Variants in CR1 observed in about 807,000 individuals in gnomAD.
CR1 encodes complement C3b/C4b receptor 1 (Knops blood group).
CR1 carries 116 observed loss-of-function variants against 187.3 expected under a neutral mutation model. That is an observed-to-expected ratio of 0.62 (90% CI 0.53 to 0.72). The LOEUF is 0.72. CR1 is among the 30% of genes least tolerant of loss of function. CR1 has a pLI of 0.00. For synonymous variants in CR1, 576 were observed against 747.1 expected (o/e 0.77, Z 3.73); for missense variants, 1,731 against 2,110.7 (o/e 0.82, Z 3.52).
chr1:207,593,600 T>C (rs1661342736), intron 35 of CR1, among the ~76,000 whole-genome samples: 1 of 152,112 alleles, frequency 6.6e-6, no homozygotes, highest in Non-Finnish European at 1.5e-5. Context: ...AAAACCAAAA[T>C]TGACAAATGG....
chr1:207,630,524 G>A lies in CR1; in HGVS notation c.7360G>A (p.Ala2454Thr). The A allele has an allele frequency of 6.3e-7, 1 of 1,598,154 alleles. No homozygotes were observed. Among genetic ancestry groups the A allele is most frequent in the Admixed American group, 1.7e-5 (1 of 57,296 alleles). Reference protein sequence around the residue: ...IILKHRKGNNAHENPKEVAIH... With the variant: ...IILKHRKGNNTHENPKEVAIH... ...TTTTTCTCTGCCAATTAGCAATAATGCACATGAAAACCCTAAAGAAGTGGC... is the reference window on the plus strand; with the variant it reads ...TTTTTCTCTGCCAATTAGCAATAATACACATGAAAACCCTAAAGAAGTGGC... Residue 2454 changes from alanine to threonine, a missense_variant, in exon 46 of 47, where the codon GCA becomes ACA. Physicochemically the swap from Ala to Thr is moderately conservative, Grantham distance 58. Transcript: ENST00000367049.
chr1:207,585,568 G>C (rs1661089315), intron 33 of CR1, among the ~76,000 whole-genome samples: 1 of 152,212 alleles, frequency 6.6e-6, no homozygotes, highest in Non-Finnish European at 1.5e-5. Context: ...TTCCAGAGCA[G>C]AAACTGGAGT....
intron 5 of CR1, among the ~76,000 whole-genome samples, chr1:207,524,691 A>G (rs558149310): frequency 3.7e-4 from 56 of 152,026 alleles, no homozygotes; most frequent in Non-Finnish European, 7.2e-4. Flanking sequence ...CCCGGCCTCT[A>G]TGTTTTATAG....
chr1:207,632,797 CAAAAAAAAAAAAAA>C (rs55649027), intron 46 of CR1, among the ~76,000 whole-genome samples: 95 of 107,612 alleles, frequency 8.8e-4, no homozygotes, highest in Admixed American at 1.2e-3. Flanking sequence ...GACTCCGTCT[CAAAAAAAAAAAAAA>C]AAAAAAAAAA....
intron 46 of CR1, among the ~76,000 whole-genome samples, chr1:207,638,624 T>TA (rs1442693390): frequency 6.6e-6 from 1 of 152,244 alleles, no homozygotes; most frequent in Non-Finnish European, 1.5e-5. Context: ...CTGTTCTTTT[T>TA]ATCTCACTAT....
chr1:207,508,527 C>T (rs139039255), intron 3 of CR1, among the ~76,000 whole-genome samples: 86 of 152,252 alleles, frequency 5.6e-4, no homozygotes, highest in South Asian at 2.3e-3. Context: ...TAAACAGACA[C>T]GCACACAAAT....
At chr1:207,600,131 A>G (rs1473419224) in intron 35 of CR1, among the ~76,000 whole-genome samples, 1 of 152,230 alleles carries the variant, frequency 6.6e-6, no homozygotes, top group Non-Finnish European at 1.5e-5. Context: ...GTATTTTGAT[A>G]AAACTTCATT....
chr1:207,618,300 A>G (rs1662209583), intron 42 of CR1, 53 bp downstream of exon 42: 1 of 1,512,834 alleles, frequency 6.6e-7, no homozygotes, highest in Admixed American at 1.8e-5. Flanking sequence ...GGAATGCATG[A>G]GGCTTGTAAG....
chr1:207,507,854 T>G (rs1659492079), intron 3 of CR1, among the ~76,000 whole-genome samples: 1 of 152,188 alleles, frequency 6.6e-6, no homozygotes, highest in Non-Finnish European at 1.5e-5. Context: ...ACAGCTTTAT[T>G]CATAATTGCC....
chr1:207,522,160 C>T (rs999824289), intron 4 of CR1, among the ~76,000 whole-genome samples: 1 of 152,056 alleles, frequency 6.6e-6, no homozygotes, highest in African/African-American at 2.4e-5. Flanking sequence ...ATTTCAAGGC[C>T]TTAGATAACC....
At position 207,515,144 on chromosome 1, in the gene CR1, T is replaced by TACGTATATATACATGTAC. The variant is rs1659754486; in HGVS notation, c.487+3504_487+3505insGTACACGTATATATACAT. ...ACATACGTACGTATATATACGTGTA[T>TACGTATATATACATGTAC]ACGTATATATACATATACATATATA... On this transcript the variant is annotated intron_variant, in intron 4 of 46. Coordinates refer to ENST00000367049, the MANE Select transcript of CR1 (RefSeq NM_000651.6). Among the ~76,000 whole-genome samples, 3 of 129,590 alleles carry TACGTATATATACATGTAC rather than the reference T, an allele frequency of 2.3e-5. No homozygotes were observed. The South Asian group carries it at 7.1e-4, about 31-fold the overall frequency. The allele number at this position is 129,590 out of a possible 152,430, so 85.0% of individuals were successfully genotyped here. A position where few individuals can be genotyped will look rare whatever the true frequency, so the allele number is the denominator to read the frequency against.
In CR1 at chr1:207,600,640, C is replaced by T. The variant is rs1056995678; in HGVS notation, c.5811-6611C>T. ...TGCAGATTACCTGGAGAATAACAATCGCTAATGATCCTCAAGTGCATGTGC... is the reference window on the plus strand; with the variant it reads ...TGCAGATTACCTGGAGAATAACAATTGCTAATGATCCTCAAGTGCATGTGC... On this transcript the variant is annotated intron_variant, in intron 35 of 46. Coordinates refer to ENST00000367049, the MANE Select transcript of CR1 (RefSeq NM_000651.6). 4.6e-5 allele frequency: 7 copies of T among 152,128 alleles called. No homozygotes were observed. In the East Asian group the frequency reaches 7.7e-4, roughly 17 times the overall value. The allele number at this position is 152,128 out of a possible 1,614,324, so 9.4% of individuals were successfully genotyped here.
At chr1:207,632,109 T>C (rs900434041) in intron 46 of CR1, among the ~76,000 whole-genome samples, 3 of 152,244 alleles carry the variant, frequency 2.0e-5, no homozygotes, top group Non-Finnish European at 4.4e-5. Context: ...TCTCCTATAA[T>C]AGAAATGAAT....
rs187750583 is a variant in CR1 at position 207,577,834 on chromosome 1, G to A, written c.4567G>A (p.Ala1523Thr). ...TCCTTGTGGGCTACCCCCAACCATC[G>A]CCAATGGAGATTTCATTAGCACCAA... ...RIPCGLPPTI[A>T]NGDFISTNRE... Residue 1523 changes from alanine to threonine, a missense_variant, in exon 29 of 47, where the codon GCC becomes ACC. By Grantham distance (58) the Ala-to-Thr change is moderately conservative. Coordinates refer to ENST00000367049, the MANE Select transcript of CR1 (RefSeq NM_000651.6). 2.3e-4 allele frequency: 379 copies of A among 1,613,818 alleles called. 2 individuals are homozygous for A. In the East Asian group the frequency reaches 6.1e-3, roughly 26 times the overall value.
intron 35 of CR1, among the ~76,000 whole-genome samples, chr1:207,603,548 G>T (rs1368330873): frequency 6.6e-6 from 1 of 152,050 alleles, no homozygotes; most frequent in East Asian, 1.9e-4. Context: ...TCAAACAAAT[G>T]CACTTCCTTT....
chr1:207,506,860 A>C (rs767170143), intron 3 of CR1, 47 bp downstream of exon 3: 4 of 1,468,268 alleles, frequency 2.7e-6, no homozygotes, highest in Non-Finnish European at 3.8e-6. Context: ...CAAGAGTTCT[A>C]ACACAGCCTT....
intron 44 of CR1, among the ~76,000 whole-genome samples, chr1:207,622,710 T>C (rs1473086545): frequency 6.6e-6 from 1 of 152,246 alleles, no homozygotes; most frequent in East Asian, 1.9e-4. Context: ...GGCAGGGCCA[T>C]GGAGAGCTGG....
At chr1:207,581,048 G>A (rs1660920167) in intron 31 of CR1, among the ~76,000 whole-genome samples, 1 of 150,994 alleles carries the variant, frequency 6.6e-6, no homozygotes, top group Non-Finnish European at 1.5e-5. Flanking sequence ...GCAGCTTCCA[G>A]TAAGGCACAA....
intron 35 of CR1, among the ~76,000 whole-genome samples, chr1:207,598,421 C>CTTTTTTTTTTTT (rs11392366): frequency 6.7e-6 from 1 of 148,608 alleles, no homozygotes. Flanking sequence ...AAGACAAGAA[C>CTTTTTTTTTTTT]TTTTTTTTTT....
Sources: gnomAD v4.1 joint callset for allele counts (sites outside exome capture counted in the v4.1 genomes callset) on GRCh38, gnomAD v4.1.1 for gene constraint, MANE v1.5 for transcripts, NCBI Gene and HGNC (gene_info 2026-07-23, HGNC 2026-07-21) for gene names.